The following NBAS variants were observed in gnomAD, a reference collection of about 807,000 sequenced individuals.
The protein encoded by NBAS is NBAS subunit of NRZ tethering complex.
In NBAS, 219 loss-of-function variants were observed where a neutral mutation model predicts 302.5. That is an observed-to-expected ratio of 0.72 (90% CI 0.65 to 0.81). The LOEUF (loss-of-function observed/expected upper bound fraction) is 0.81. Among genes scored for constraint, NBAS ranks in the 30% least tolerant of loss-of-function variants. The pLI is 0.00. For missense variants in NBAS, 2,932 were observed against 2,841.6 expected, an observed-to-expected ratio of 1.03 and a Z score of -0.72; for synonymous variants, 1,118 against 1,021.6, an observed-to-expected ratio of 1.09 and a Z score of -1.80.
chr2:14,892,649 G>A, the NBAS span, among the ~76,000 whole-genome samples: 3 of 151,218 alleles, frequency 2.0e-5, no homozygotes, highest in Admixed American at 6.6e-5. Context: ...TTTCAGCATC[G>A]ATTGATTAAA....
chr2:15,460,610 G>A (rs1013012431), intron 21 of NBAS, among the ~76,000 whole-genome samples: 2 of 152,190 alleles, frequency 1.3e-5, no homozygotes, highest in Non-Finnish European at 2.9e-5. Flanking sequence ...CAGATGTTCT[G>A]GCCTCTGGAA....
chr2:15,219,652 G>T (rs1336153389), intron 47 of NBAS, among the ~76,000 whole-genome samples: 3 of 138,790 alleles, frequency 2.2e-5, no homozygotes, highest in Non-Finnish European at 4.6e-5. Flanking sequence ...TAAGGTCACA[G>T]ATCAACAGGA....
chr2:14,917,135 A>G, the NBAS span, among the ~76,000 whole-genome samples: 18 of 152,180 alleles, frequency 1.2e-4, no homozygotes, highest in Admixed American at 1.2e-3. Flanking sequence ...TAAAACACAC[A>G]CATTTGTTGT....
chr2:15,453,158 A>C (rs900344572), intron 21 of NBAS, among the ~76,000 whole-genome samples: 1 of 152,086 alleles, frequency 6.6e-6, no homozygotes, highest in African/African-American at 2.4e-5. Context: ...ACTTCTGGAG[A>C]CCCTGAATTT....
chr2:14,819,224 T>G, the NBAS span, among the ~76,000 whole-genome samples: 2 of 152,244 alleles, frequency 1.3e-5, no homozygotes, highest in African/African-American at 4.8e-5. Context: ...CGGAACATGT[T>G]TGTGAATGAA....
chr2:15,485,363 C>T (rs753936094), intron 12 of NBAS, among the ~76,000 whole-genome samples: 4 of 152,160 alleles, frequency 2.6e-5, no homozygotes, highest in African/African-American at 9.7e-5. Context: ...TAATAGGATG[C>T]CACTAAATAA....
At chr2:15,381,776 A>G (rs1029042060) in intron 29 of NBAS, among the ~76,000 whole-genome samples, 4 of 152,208 alleles carry the variant, frequency 2.6e-5, no homozygotes, top group African/African-American at 9.6e-5. Context: ...GACTGCAATC[A>G]TCAATAAAAA....
At chr2:15,520,576 T>C (rs1046825156) in intron 9 of NBAS, among the ~76,000 whole-genome samples, 1 of 151,896 alleles carries the variant, frequency 6.6e-6, no homozygotes, top group Admixed American at 6.6e-5. Context: ...GTGGGCCATA[T>C]GGTCTCGCAC....
At chr2:15,225,866 G>T (rs1572481843) in intron 47 of NBAS, among the ~76,000 whole-genome samples, 3 of 152,142 alleles carry the variant, frequency 2.0e-5, no homozygotes, top group Admixed American at 2.0e-4. Flanking sequence ...CTAGATGAAG[G>T]CAAGAAGTAG....
the NBAS span, among the ~76,000 whole-genome samples, chr2:14,984,851 T>C: frequency 6.6e-6 from 1 of 152,124 alleles, no homozygotes; most frequent in Non-Finnish European, 1.5e-5. Context: ...ATGTGTAGGC[T>C]GAGTGGGGAC....
the NBAS span, among the ~76,000 whole-genome samples, chr2:15,007,213 G>A: frequency 1.3e-5 from 2 of 152,158 alleles, no homozygotes; most frequent in Admixed American, 1.3e-4. Flanking sequence ...CACTAGGTGA[G>A]GCAATTATCT....
intron 12 of NBAS, among the ~76,000 whole-genome samples, chr2:15,487,308 C>T (rs1680670367): frequency 6.6e-6 from 1 of 152,234 alleles, no homozygotes; most frequent in Admixed American, 6.5e-5. Context: ...TTATTTTGAA[C>T]ATAGATATGA....
chr2:15,471,082 C>T (rs746144634), intron 16 of NBAS, among the ~76,000 whole-genome samples: 2 of 152,164 alleles, frequency 1.3e-5, no homozygotes, highest in African/African-American at 2.4e-5. Flanking sequence ...TTTAACTAAA[C>T]GAAATATTCC....
At chr2:15,426,339 T>C (rs1483172805) in intron 22 of NBAS, among the ~76,000 whole-genome samples, 1 of 152,210 alleles carries the variant, frequency 6.6e-6, no homozygotes, top group African/African-American at 2.4e-5. Context: ...TGGTATGCTG[T>C]AATGTAATAG....
At chr2:15,174,109 C>T (rs565955762) in intron 51 of NBAS, among the ~76,000 whole-genome samples, 1 of 152,288 alleles carries the variant, frequency 6.6e-6, no homozygotes, top group African/African-American at 2.4e-5. Flanking sequence ...CAAGTCAGAT[C>T]TCTGTATGTT....
intron 35 of NBAS, among the ~76,000 whole-genome samples, chr2:15,340,285 A>G (rs1207981783): frequency 6.6e-6 from 1 of 152,164 alleles, no homozygotes; most frequent in Non-Finnish European, 1.5e-5. Context: ...ATGGAGCCCA[A>G]TTCTGAGTCC....
intron 4 of NBAS, among the ~76,000 whole-genome samples, chr2:15,553,764 ACCTCCCTCCCTCTTTCTCTCTCTC>A (rs1664494738): frequency 5.4e-5 from 2 of 37,132 alleles, no homozygotes; most frequent in Admixed American, 7.3e-4. Context: ...CCTTCTCTTT[ACCTCCCTCCCTCTTTCTCTCTCTC>A]CCTCCCTCCC....
At chr2:15,500,143 A>G (rs2148629033) in intron 11 of NBAS, among the ~76,000 whole-genome samples, 1 of 152,356 alleles carries the variant, frequency 6.6e-6, no homozygotes, top group South Asian at 2.1e-4. Context: ...TTTGTACTGA[A>G]ATCAATCACC....
At chr2:14,847,124 C>T in the NBAS span, among the ~76,000 whole-genome samples, 1 of 152,248 alleles carries the variant, frequency 6.6e-6, no homozygotes, top group Admixed American at 6.5e-5. Flanking sequence ...TGGCTCACAC[C>T]TGTAATCCCA....
Sources: allele counts gnomAD v4.1 joint callset (sites outside exome capture counted in the v4.1 genomes callset), GRCh38; gene constraint gnomAD v4.1.1; transcripts MANE v1.5; gene names NCBI Gene and HGNC (gene_info 2026-07-23, HGNC 2026-07-21).